Variants in SORBS3 observed in about 807,000 individuals in gnomAD.
SORBS3 encodes the protein sorbin and SH3 domain containing 3.
A neutral mutation model predicts 98.0 loss-of-function variants in SORBS3; 69 were observed. That is an observed-to-expected ratio of 0.70 (90% CI 0.58 to 0.86). The LOEUF (loss-of-function observed/expected upper bound fraction) is 0.86. Ranked by LOEUF, SORBS3 falls within the 40% of genes least tolerant of loss-of-function variation. The pLI is 0.00. For missense variants in SORBS3, 954 were observed against 908.5 expected (o/e 1.05, Z -0.64); for synonymous variants, 394 against 355.4 (o/e 1.11, Z -1.22).
chr8:22,569,178 A>T lies in SORBS3; in HGVS notation c.1336A>T (p.Ile446Phe). Residue 446 changes from isoleucine (I) to phenylalanine (F), a missense_variant, in exon 17 of 21, where the codon ATC (isoleucine) becomes TTC (phenylalanine). Transcript: ENST00000240123. ...VLPADEIPKP[I>F]KPPTYQVLEY... is the part of the protein sequence containing the mutation. ...GCCCGCAGATGAGATCCCTAAGCCC[A>T]TCAAGCCCCCGACCTACCAGGTGCT... 1.2e-6 allele frequency: 2 copies of T among 1,610,880 alleles called. No individual in the cohort carries two copies. The highest frequency in any genetic ancestry group is 1.3e-5 in the African/African-American group (1 of 74,838).
chr8:22,563,064 A>T (rs1840328942), intron 7 of SORBS3, among the ~76,000 whole-genome samples: 1 of 151,958 alleles, frequency 6.6e-6, no homozygotes, highest in Non-Finnish European at 1.5e-5. Flanking sequence ...GCTTGCAGTG[A>T]GCCGGGATTG....
chr8:22,565,223 C>A (rs904024969), intron 10 of SORBS3, 45 bp from the exon 11 acceptor site: 6 of 1,509,460 alleles, frequency 4.0e-6, no homozygotes, highest in Non-Finnish European at 5.4e-6. Context: ...CCTCCCACCC[C>A]CACGGTGCGC....
chr8:22,556,575 C>G (rs1367318971), intron 3 of SORBS3, 140 bp from the exon 4 acceptor site: 1 of 708,968 alleles, frequency 1.4e-6, no homozygotes, highest in African/African-American at 1.8e-5. Flanking sequence ...CCGTGGTGCT[C>G]TGAGTCATCC....
intron 16 of SORBS3, among the ~76,000 whole-genome samples, chr8:22,568,638 G>A (rs1436563586): frequency 2.0e-5 from 3 of 152,172 alleles, no homozygotes; most frequent in African/African-American, 7.2e-5. Flanking sequence ...TGGTTTATTG[G>A]CTGCTTGATT....
intron 7 of SORBS3, among the ~76,000 whole-genome samples, chr8:22,563,395 TG>T (rs1255033041): frequency 6.6e-6 from 1 of 151,740 alleles, no homozygotes; most frequent in African/African-American, 2.4e-5. Context: ...GTGGCTGGGG[TG>T]GTCTCACAGA....
Position 22,565,373 on chromosome 8 carries a change from C to T in SORBS3, c.903+19C>T. 6.5e-7 allele frequency: 1 copy of T among 1,527,254 alleles called. No individual in the cohort carries two copies. Among genetic ancestry groups the T allele is most frequent in the Non-Finnish European group, 8.8e-7 (1 of 1,133,080 alleles). The allele number at this position is 1,527,254 out of a possible 1,614,324, so 94.6% of individuals were successfully genotyped here. A position where few individuals can be genotyped will look rare whatever the true frequency, so the allele number is the denominator to read the frequency against. On this transcript the variant is annotated intron_variant, in intron 11 of 20. Coordinates refer to ENST00000240123, the MANE Select transcript of SORBS3 (RefSeq NM_005775.5). ...CCCCAAGGTACCAGCCCCCAGGGTTCACCCGCGGGGCACGCCGGCGACCGC... is the reference window on the plus strand; with the variant it reads ...CCCCAAGGTACCAGCCCCCAGGGTTTACCCGCGGGGCACGCCGGCGACCGC...
At chr8:22,553,689 G>A (rs1840129747) in intron 1 of SORBS3, among the ~76,000 whole-genome samples, 1 of 152,190 alleles carries the variant, frequency 6.6e-6, no homozygotes, top group Non-Finnish European at 1.5e-5. Context: ...CAGGGAGCGC[G>A]TGTATGTGCG....
intron 1 of SORBS3, among the ~76,000 whole-genome samples, chr8:22,553,871 C>T (rs1245193007): frequency 6.6e-6 from 1 of 152,142 alleles, no homozygotes; most frequent in African/African-American, 2.4e-5. Context: ...TCCCTGTGAG[C>T]TCGCAAGAGT....
intron 16 of SORBS3, among the ~76,000 whole-genome samples, chr8:22,568,099 G>A (rs1014287972): frequency 2.6e-5 from 4 of 152,052 alleles, no homozygotes; most frequent in East Asian, 1.9e-4. Context: ...TGATCCACCC[G>A]CCTCAGCCTC....
intron 14 of SORBS3, 41 bp downstream of exon 14, chr8:22,566,754 A>C: frequency 6.2e-7 from 1 of 1,612,834 alleles, no homozygotes; most frequent in South Asian, 1.1e-5. Flanking sequence ...GAGTGGTCCC[A>C]AGGCTGCCAT....
chr8:22,565,024 G>A, intron 10 of SORBS3: 1 of 1,399,194 alleles, frequency 7.1e-7, no homozygotes, highest in Non-Finnish European at 9.3e-7. Flanking sequence ...CAGGACTGCG[G>A]AATCGCGGGA....
chr8:22,561,780 TAA>T, intron 6 of SORBS3, 83 bp from the exon 7 acceptor site: 4 of 1,273,984 alleles, frequency 3.1e-6, no homozygotes, highest in South Asian at 1.2e-5. Context: ...GCTGAAACTC[TAA>T]ATAATCACCC....
chr8:22,561,909 G>A lies in SORBS3; in HGVS notation c.562G>A (p.Gly188Ser), dbSNP rs1248375903. 3.1e-6 allele frequency: 5 copies of A among 1,613,932 alleles called. No individual in the cohort carries two copies. In the East Asian group the frequency reaches 8.9e-5, roughly 29 times the overall value. Residue 188 changes from glycine to serine, a missense_variant, in exon 7 of 21, where the codon GGC becomes AGC. Gly to Ser is a moderately conservative substitution (Grantham distance 56, BLOSUM62 0). Transcript: ENST00000240123. ...GAQQRPAHRP[G>S]PATSSSGRSW... ...CCAGCAAAGACCTGCCCACAGGCCC[G>A]GCCCGGCAACATCTTCCAGTGGGTG... is the stretch of plus-strand genomic sequence containing the variant.
intron 5 of SORBS3, among the ~76,000 whole-genome samples, chr8:22,559,639 G>A (rs1840252953): frequency 6.6e-6 from 1 of 151,774 alleles, no homozygotes; most frequent in Non-Finnish European, 1.5e-5. Flanking sequence ...GGAGGCGGAG[G>A]TTGCAGTGAG....
intron 8 of SORBS3, 47 bp from the exon 9 acceptor site, chr8:22,564,233 GTGT>G: frequency 6.5e-7 from 1 of 1,533,716 alleles, no homozygotes; most frequent in Non-Finnish European, 8.9e-7. Context: ...AGCCTGGCCA[GTGT>G]CCCAGTAGCC....
At chr8:22,548,730 C>A (rs977724288), upstream of SORBS3, among the ~76,000 whole-genome samples, 1 of 152,152 alleles carries the variant, frequency 6.6e-6, no homozygotes, top group Non-Finnish European at 1.5e-5. Context: ...CAGAGCAAGG[C>A]GCTCCTCAAG....
At chr8:22,563,128 A>C (rs1422277870) in intron 7 of SORBS3, among the ~76,000 whole-genome samples, 1 of 152,188 alleles carries the variant, frequency 6.6e-6, no homozygotes, top group African/African-American at 2.4e-5. Flanking sequence ...CAAAAAAAAA[A>C]AAAATTATGA....
chr8:22,574,534 C>A, intron 20 of SORBS3, 133 bp from the exon 21 acceptor site: 1 of 834,862 alleles, frequency 1.2e-6, no homozygotes, highest in Non-Finnish European at 1.9e-6. Context: ...AGAGCAAATC[C>A]AATTCCCTCT....
intron 12 of SORBS3, 131 bp from the exon 13 acceptor site, chr8:22,566,214 C>A: frequency 7.9e-7 from 1 of 1,258,752 alleles, no homozygotes; most frequent in Non-Finnish European, 1.1e-6. Flanking sequence ...CTGTGGAGAG[C>A]CCAGGACCCG....
Sources: allele counts gnomAD v4.1 joint callset (sites outside exome capture counted in the v4.1 genomes callset), GRCh38; gene constraint gnomAD v4.1.1; transcripts MANE v1.5; gene names NCBI Gene and HGNC (gene_info 2026-07-23, HGNC 2026-07-21).